The following HFM1 variants were observed in gnomAD, a reference collection of about 807,000 sequenced individuals.
HFM1 encodes the protein helicase for meiosis 1.
In HFM1, 169 loss-of-function variants were observed where a neutral mutation model predicts 192.1. The ratio of observed to expected loss-of-function variants is 0.88; its 90% CI spans 0.78 to 1.00. The LOEUF is 1.00. Ranked by LOEUF, HFM1 falls within the 50% of genes least tolerant of loss-of-function variation. HFM1 has a pLI of 0.00. For synonymous variants in HFM1, 525 were observed against 537.8 expected (o/e 0.98, Z 0.33); for missense variants, 1,661 against 1,668.0 (o/e 1.00, Z 0.07).
rs764975780 is a variant in HFM1, at chr1:91,378,000, G to C, written c.1395+25C>G. ...ATTTCACAAGTCATAAAAAACCTAA[G>C]AGCTCAGTTAAAATTGTAACTCACA... On this transcript the variant is annotated intron_variant, in intron 11 of 38. Coordinates refer to ENST00000370425, the MANE Select transcript of HFM1 (RefSeq NM_001017975.6). 8.8e-6 allele frequency: 14 copies of C among 1,598,216 alleles called. No homozygotes were observed. In the African/African-American group the frequency reaches 1.2e-4, roughly 14 times the overall value.
intron 30 of HFM1, among the ~76,000 whole-genome samples, chr1:91,279,139 G>A (rs1481625909): frequency 6.6e-6 from 1 of 151,910 alleles, no homozygotes; most frequent in Non-Finnish European, 1.5e-5. Context: ...CCTATAATAA[G>A]ATTCTGAAAT....
intron 2 of HFM1, among the ~76,000 whole-genome samples, chr1:91,396,976 G>A (rs1008610903): frequency 1.3e-5 from 2 of 152,128 alleles, no homozygotes; most frequent in African/African-American, 4.8e-5. Context: ...ACAGGAGTGC[G>A]AGCCCTATCA....
intron 30 of HFM1, among the ~76,000 whole-genome samples, chr1:91,301,456 A>G (rs1648768708): frequency 1.5e-5 from 1 of 65,966 alleles, no homozygotes; most frequent in Admixed American, 2.0e-4. Context: ...ATGGAACCGA[A>G]AAAGAGCCCG....
chr1:91,330,862 C>A (rs1370453018), intron 20 of HFM1, among the ~76,000 whole-genome samples: 2 of 152,102 alleles, frequency 1.3e-5, no homozygotes, highest in Non-Finnish European at 2.9e-5. Flanking sequence ...ACAAATCAAC[C>A]AATGTGATAC....
chr1:91,277,826 T>TTA (rs61125855), intron 30 of HFM1, among the ~76,000 whole-genome samples: 3 of 20,494 alleles, frequency 1.5e-4, no homozygotes, highest in Non-Finnish European at 2.0e-4. Context: ...TATATATACT[T>TTA]TATATATAAT....
chr1:91,266,426 CT>C (rs1665770991), intron 35 of HFM1, among the ~76,000 whole-genome samples: 1 of 152,190 alleles, frequency 6.6e-6, no homozygotes, highest in South Asian at 2.1e-4. Flanking sequence ...CTGGTATTCA[CT>C]GTGGAACTGA....
chr1:91,379,127 G>T lies in HFM1; in HGVS notation c.1094C>A (p.Thr365Asn). The T allele has an allele frequency of 1.9e-6, 3 of 1,606,726 alleles. No individual in the cohort carries two copies. The highest frequency in any genetic ancestry group is 2.6e-6 in the Non-Finnish European group (3 of 1,175,312). Residue 365 changes from threonine to asparagine, a missense_variant, in exon 9 of 39, where the codon ACT (threonine) becomes AAT (asparagine). Transcript: ENST00000370425. ...GPIGLNCKELTGDTVMDDLFE... is the reference protein window; with the variant it reads ...GPIGLNCKELNGDTVMDDLFE... Reference sequence around the variant, plus strand: ...TAGATCATCCATTACTGTATCTCCAGTAAGTTCTTTACAATTCAATCCTAT... The same window carrying T: ...TAGATCATCCATTACTGTATCTCCATTAAGTTCTTTACAATTCAATCCTAT...
chr1:91,367,494 G>C (rs1346041532), intron 13 of HFM1, among the ~76,000 whole-genome samples: 2 of 152,120 alleles, frequency 1.3e-5, no homozygotes, highest in South Asian at 2.1e-4. Flanking sequence ...AGGCAAACAG[G>C]GTCTGGAGTG....
chr1:91,401,687 A>G (rs1158862707), intron 1 of HFM1, among the ~76,000 whole-genome samples: 1 of 152,146 alleles, frequency 6.6e-6, no homozygotes, highest in African/African-American at 2.4e-5. Flanking sequence ...TCATTATAAT[A>G]TTTTTTCATA....
intron 18 of HFM1, 82 bp from the exon 19 acceptor site, chr1:91,347,558 G>C: frequency 1.3e-6 from 1 of 788,524 alleles, no homozygotes; most frequent in East Asian, 2.8e-5. Context: ...GTGAAGAGCA[G>C]TCTAATGAAA....
chr1:91,300,802 T>C (rs1223008859), intron 30 of HFM1, among the ~76,000 whole-genome samples: 1 of 152,146 alleles, frequency 6.6e-6, no homozygotes, highest in African/African-American at 2.4e-5. Flanking sequence ...ATAAGAGCTA[T>C]CTATGACAAA....
At chr1:91,390,266 T>A (rs564941213) in intron 4 of HFM1, among the ~76,000 whole-genome samples, 1 of 151,836 alleles carries the variant, frequency 6.6e-6, no homozygotes. Flanking sequence ...TGAAATTCCG[T>A]CTCTACTAAA....
intron 20 of HFM1, among the ~76,000 whole-genome samples, chr1:91,326,979 A>G (rs1028669545): frequency 2.0e-5 from 3 of 152,210 alleles, no homozygotes; most frequent in African/African-American, 7.2e-5. Flanking sequence ...ACGAGACAGT[A>G]TTTGCAAACC....
chr1:91,393,072 T>G (rs1663213081), intron 4 of HFM1, among the ~76,000 whole-genome samples: 1 of 152,004 alleles, frequency 6.6e-6, no homozygotes, highest in African/African-American at 2.4e-5. Flanking sequence ...AATAAGAAAA[T>G]AAAATAATTC....
At chr1:91,305,679 C>T (rs1024603747) in intron 30 of HFM1, among the ~76,000 whole-genome samples, 1 of 151,786 alleles carries the variant, frequency 6.6e-6, no homozygotes, top group African/African-American at 2.4e-5. Flanking sequence ...GTGATCTTCC[C>T]ATTTCAGCCT....
chr1:91,305,996 T>C (rs1223841303), intron 30 of HFM1, among the ~76,000 whole-genome samples: 1 of 152,208 alleles, frequency 6.6e-6, no homozygotes, highest in Non-Finnish European at 1.5e-5. Flanking sequence ...TATTTTACTA[T>C]CGAGTATGAC....
rs537425310 is a variant in HFM1 at position 91,322,885 on chromosome 1, AAAACAAATTAAAAATGTTTT to A, written c.2582+45_2582+64del. On this transcript the variant is annotated intron_variant, in intron 23 of 38. Coordinates refer to ENST00000370425, the MANE Select transcript of HFM1 (RefSeq NM_001017975.6). ...TTATGTAATCTTTTCTGTATTAAGA[AAAACAAATTAAAAATGTTTT>A]AAAACCAAAAAAAGAAAACTTTCAT... is the stretch of plus-strand genomic sequence containing the variant. 562 of 764,962 alleles carry A rather than the reference AAAACAAATTAAAAATGTTTT, an allele frequency of 7.3e-4. 1 individual carries two copies. The African/African-American group carries it at 8.6e-3, about 12-fold the overall frequency. The allele number at this position is 764,962 out of a possible 1,614,324, so 47.4% of individuals were successfully genotyped here.
intron 18 of HFM1, among the ~76,000 whole-genome samples, chr1:91,347,825 C>T (rs1398462082): frequency 6.6e-6 from 1 of 152,086 alleles, no homozygotes; most frequent in Non-Finnish European, 1.5e-5. Flanking sequence ...ACTACACATA[C>T]CCTTTAACAC....
At chr1:91,328,746 TG>T (rs1653330108) in intron 20 of HFM1, 7 of 1,610,254 alleles carry the variant, frequency 4.3e-6, no homozygotes, top group Non-Finnish European at 5.9e-6. Flanking sequence ...GCCGAGCAGG[TG>T]GTGGAAAAAT....
Sources: gnomAD v4.1 joint callset for allele counts (sites outside exome capture counted in the v4.1 genomes callset) on GRCh38, gnomAD v4.1.1 for gene constraint, MANE v1.5 for transcripts, NCBI Gene and HGNC (gene_info 2026-07-23, HGNC 2026-07-21) for gene names.